KIF15: variants seen among roughly 807,000 people sequenced by gnomAD.
KIF15 encodes kinesin-like protein KIF15.
KIF15 carries 140 observed loss-of-function variants against 190.6 expected under a neutral mutation model. The observed-to-expected ratio is 0.73, with a 90% CI of 0.64 to 0.84. KIF15 has a LOEUF of 0.84. Among genes scored for constraint, KIF15 ranks in the 40% least tolerant of loss-of-function variants. The pLI is 0.00. For synonymous variants in KIF15, 528 were observed against 551.3 expected, an observed-to-expected ratio of 0.96 and a Z score of 0.59; for missense variants, 1,372 against 1,584.4, an observed-to-expected ratio of 0.87 and a Z score of 2.28.
At chr3:44,767,075 A>G (rs916980634) in intron 1 of KIF15, among the ~76,000 whole-genome samples, 2 of 151,718 alleles carry the variant, frequency 1.3e-5, no homozygotes, top group Non-Finnish European at 2.9e-5. Flanking sequence ...CTCCCAAAGT[A>G]CTGGGATTAC....
chr3:44,845,002 C>T (rs896717608), intron 30 of KIF15, among the ~76,000 whole-genome samples: 1 of 152,130 alleles, frequency 6.6e-6, no homozygotes, highest in African/African-American at 2.4e-5. Context: ...AAGAACATCA[C>T]CTAAGAGATT....
intron 33 of KIF15, 122 bp downstream of exon 33, chr3:44,852,074 G>C: frequency 7.0e-7 from 1 of 1,423,984 alleles, no homozygotes; most frequent in East Asian, 2.3e-5. Context: ...TGTATGAAGA[G>C]TTGTGAGGCC....
intron 26 of KIF15, among the ~76,000 whole-genome samples, chr3:44,835,285 G>C (rs536613097): frequency 6.6e-6 from 1 of 152,092 alleles, no homozygotes; most frequent in East Asian, 1.9e-4. Context: ...TGTTACCCAG[G>C]CTGGAATGTA....
chr3:44,841,307 G>T (rs932588967), intron 29 of KIF15, 69 bp downstream of exon 29: 2 of 1,309,318 alleles, frequency 1.5e-6, no homozygotes, highest in African/African-American at 3.0e-5. Flanking sequence ...TGTTGCCCAG[G>T]CTGGGCTCAA....
chr3:44,866,161 C>T (rs1699320628), intron 6 of KIF15, among the ~76,000 whole-genome samples: 1 of 151,718 alleles, frequency 6.6e-6, no homozygotes, highest in Admixed American at 6.6e-5. Context: ...CAAGCTCTGC[C>T]TCCCGGGTTC....
intron 11 of KIF15, among the ~76,000 whole-genome samples, chr3:44,800,970 G>A (rs1348527069): frequency 2.0e-5 from 3 of 150,648 alleles, no homozygotes; most frequent in African/African-American, 7.3e-5. Flanking sequence ...TATGTGGAAT[G>A]GTTAATTTGA....
chr3:44,852,024 C>G, intron 33 of KIF15, 72 bp downstream of exon 33: 1 of 1,520,532 alleles, frequency 6.6e-7, no homozygotes, highest in South Asian at 1.3e-5. Context: ...GCGTAAAACT[C>G]ACTTTGTGAT....
chr3:44,853,696 TTTCACCAA>T (rs1699144977), downstream of KIF15, among the ~76,000 whole-genome samples: 1 of 152,228 alleles, frequency 6.6e-6, no homozygotes, highest in Admixed American at 6.5e-5. Context: ...TTCTCCACAT[TTTCACCAA>T]CACTTGTTAT....
intron 20 of KIF15, among the ~76,000 whole-genome samples, chr3:44,815,322 C>T (rs974910702): frequency 2.6e-5 from 4 of 152,148 alleles, no homozygotes; most frequent in African/African-American, 9.7e-5. Context: ...GCTCTTATTC[C>T]CTCCTATTAC....
intron 16 of KIF15, among the ~76,000 whole-genome samples, chr3:44,809,485 T>C (rs1269525030): frequency 6.6e-6 from 1 of 152,154 alleles, no homozygotes; most frequent in Admixed American, 6.6e-5. Context: ...AATTTTGCTT[T>C]ACATTGAGGT....
At chr3:44,820,337 C>CT (rs1559563132) in intron 20 of KIF15, among the ~76,000 whole-genome samples, 2,603 of 143,536 alleles carry the variant, frequency 0.018, 61 homozygotes, top group African/African-American at 0.062. Flanking sequence ...TTTTTTTTTT[C>CT]CTTTTTTTTT....
At chr3:44,812,132 T>G in intron 17 of KIF15, 50 bp from the exon 18 acceptor site, 99 of 1,324,858 alleles carry the variant, frequency 7.5e-5, no homozygotes, top group Non-Finnish European at 9.8e-5. Context: ...GTGGAATGTT[T>G]GAGAATTCCA....
chr3:44,791,471 C>G (rs1575598276), intron 7 of KIF15, among the ~76,000 whole-genome samples: 7 of 152,222 alleles, frequency 4.6e-5, no homozygotes, highest in Admixed American at 6.5e-5. Context: ...TTACATAGAA[C>G]CAGTTTGTCA....
intron 20 of KIF15, among the ~76,000 whole-genome samples, chr3:44,825,257 A>G (rs897112534): frequency 6.6e-6 from 1 of 152,214 alleles, no homozygotes; most frequent in Non-Finnish European, 1.5e-5. Context: ...TATATAGTTT[A>G]TGCCATAAAT....
intron 34 of KIF15, 81 bp from the exon 35 acceptor site, chr3:44,852,592 C>A (rs533519793): frequency 1.8e-5 from 19 of 1,043,504 alleles, no homozygotes; most frequent in Non-Finnish European, 2.5e-5. Flanking sequence ...AAATATACAC[C>A]TAATAAATGC....
chr3:44,796,677 A>G (rs1240177120), intron 8 of KIF15, among the ~76,000 whole-genome samples: 1 of 152,136 alleles, frequency 6.6e-6, no homozygotes, highest in Non-Finnish European at 1.5e-5. Context: ...CTGCAGACCC[A>G]GTTTTCAAAA....
intron 4 of KIF15, among the ~76,000 whole-genome samples, chr3:44,779,087 G>C (rs961909171): frequency 6.6e-6 from 1 of 151,298 alleles, no homozygotes; most frequent in African/African-American, 2.4e-5. Flanking sequence ...TTATTCTTTA[G>C]GTTATAATCC....
chr3:44,765,318 T>C (rs1023937990), intron 1 of KIF15, among the ~76,000 whole-genome samples: 5 of 152,254 alleles, frequency 3.3e-5, no homozygotes, highest in Non-Finnish European at 5.9e-5. Flanking sequence ...TCTGCAGAAA[T>C]GAAGAGCTGG....
chr3:44,829,937 T>C, intron 24 of KIF15, 34 bp from the exon 25 acceptor site: 1 of 1,289,350 alleles, frequency 7.8e-7, no homozygotes, highest in Non-Finnish European at 1.0e-6. Context: ...CTTAATGTCA[T>C]TGGGTATGAA....
Sources: gnomAD v4.1 joint callset for allele counts (sites outside exome capture counted in the v4.1 genomes callset) on GRCh38, gnomAD v4.1.1 for gene constraint, MANE v1.5 for transcripts, NCBI Gene and HGNC (gene_info 2026-07-23, HGNC 2026-07-21) for gene names.